CAPN3: variants seen among roughly 807,000 people sequenced by gnomAD.
CAPN3 encodes the protein calpain-3.
Under a neutral mutation model 114.0 loss-of-function variants are expected in CAPN3, and 88 were observed. The observed-to-expected ratio is 0.77, with a 90% CI of 0.65 to 0.92. The LOEUF (loss-of-function observed/expected upper bound fraction) is 0.92. CAPN3 is among the 40% of genes least tolerant of loss of function. The pLI is 0.00. For synonymous variants in CAPN3, 386 were observed against 382.9 expected, an observed-to-expected ratio of 1.01 and a Z score of -0.09; for missense variants, 1,028 against 1,069.0, an observed-to-expected ratio of 0.96 and a Z score of 0.53.
chr15:42,363,421 G>C (rs1434527025), intron 1 of CAPN3, among the ~76,000 whole-genome samples: 1 of 152,220 alleles, frequency 6.6e-6, no homozygotes, highest in Non-Finnish European at 1.5e-5. Context: ...TTGGGGATGG[G>C]AGGGCAGGTC....
chr15:42,374,411 A>G (rs1303349708), intron 1 of CAPN3: 1 of 152,164 alleles, frequency 6.6e-6, no homozygotes, highest in Non-Finnish European at 1.5e-5. Flanking sequence ...GTTCTCAAAG[A>G]TGTCTGGCCC....
Position 42,371,972 on chromosome 15 carries a change from T to TA in CAPN3, c.309+11867dup, listed in dbSNP as rs980687653. On this transcript the variant is annotated intron_variant, in intron 1 of 23. Transcript: ENST00000397163. ...GAGCAAGACTCCATCTTAAAAAAAT[T>TA]AAAAAAAAATCTTAAAAATTAAAAA... 7.3e-4 allele frequency among the ~76,000 whole-genome samples: 108 copies of TA among 148,904 alleles called. 1 individual carries two copies. The highest frequency in any genetic ancestry group is 1.6e-3 in the African/African-American group (65 of 39,964).
intron 17 of CAPN3, 71 bp from the exon 18 acceptor site, chr15:42,409,716 G>C: frequency 7.3e-7 from 1 of 1,361,422 alleles, no homozygotes; most frequent in Non-Finnish European, 1.1e-6. Context: ...GGTGGAATTT[G>C]TTTTGCAAAG....
In CAPN3 at chr15:42,387,760, G is replaced by A. The variant is rs1459943941; in HGVS notation, c.506G>A (p.Arg169His). ...CGTGACGCTTCTGTGCAGTTCTGGCGCTATGGAGAGTGGGTGGACGTGGTT... is the reference window on the plus strand; with the variant it reads ...CGTGACGCTTCTGTGCAGTTCTGGCACTATGGAGAGTGGGTGGACGTGGTT... ...YAGIFHFQFW[R>H]YGEWVDVVID... Residue 169 changes from arginine to histidine, a missense_variant, in exon 4 of 24, where the codon CGC (arginine) becomes CAC (histidine). By Grantham distance (29) the Arg-to-His change is conservative (BLOSUM62 0). Coordinates refer to ENST00000397163, the MANE Select transcript of CAPN3 (RefSeq NM_000070.3). The A allele has an allele frequency of 1.1e-5, 17 of 1,614,060 alleles. No homozygotes were observed. The highest frequency in any genetic ancestry group is 2.2e-5 in the East Asian group (1 of 44,898).
At chr15:42,393,581 GTCTT>G (rs1023104504) in intron 7 of CAPN3, among the ~76,000 whole-genome samples, 32 of 147,710 alleles carry the variant, frequency 2.2e-4, no homozygotes, top group African/African-American at 6.6e-4. Flanking sequence ...GGGGCCTTTT[GTCTT>G]TCTTTCTTTC....
At chr15:42,401,976 G>T (rs533104981) in intron 11 of CAPN3, 148 bp from the exon 12 acceptor site, 10 of 1,283,458 alleles carry the variant, frequency 7.8e-6, no homozygotes, top group African/African-American at 2.9e-5. Flanking sequence ...ACCAGGGGGG[G>T]CATTAGAGAG....
chr15:42,411,916 C>T lies in CAPN3; in HGVS notation c.*143C>T. 6.4e-7 allele frequency: 1 copy of T among 1,559,084 alleles called. No individual in the cohort carries two copies. The highest frequency in any genetic ancestry group is 1.2e-5 in the South Asian group (1 of 84,632). On this transcript the variant is annotated 3_prime_UTR_variant, in exon 24 of 24. Transcript: ENST00000397163. ...CACCTCATCAGTCATGCTCCTCCTCCATTTTACCCCCTACCCATCCTTGAT... is the reference window on the plus strand; with the variant it reads ...CACCTCATCAGTCATGCTCCTCCTCTATTTTACCCCCTACCCATCCTTGAT...
At position 42,400,963 on chromosome 15, in the gene CAPN3, G is replaced by A. The variant is rs535517048; in HGVS notation, c.1355-678G>A. On this transcript the variant is annotated intron_variant, in intron 10 of 23. Transcript: ENST00000397163. ...AATCCCAGCACTTTGGGAGGCTGAG[G>A]CAGGCGGATCACTTGTGGTCAGGAG... Among the ~76,000 whole-genome samples the A allele has an allele frequency of 3.3e-5, 5 of 152,258 alleles. No individual in the cohort carries two copies. In the East Asian group the frequency reaches 9.6e-4, roughly 29 times the overall value.
intron 16 of CAPN3, 174 bp downstream of exon 16, chr15:42,408,498 C>T: frequency 3.2e-6 from 2 of 616,490 alleles, no homozygotes; most frequent in South Asian, 1.5e-5. Context: ...TGGGCTGCTG[C>T]TTGGGTGAAT....
At chr15:42,370,662 C>T (rs531175234) in intron 1 of CAPN3, among the ~76,000 whole-genome samples, 2 of 152,186 alleles carry the variant, frequency 1.3e-5, no homozygotes, top group Admixed American at 6.5e-5. Context: ...ACCAAACAGA[C>T]CCGGTCTGAA....
intron 17 of CAPN3, 130 bp downstream of exon 17, chr15:42,409,510 T>C (rs1226942892): frequency 2.1e-6 from 2 of 959,714 alleles, no homozygotes; most frequent in Admixed American, 4.0e-5. Flanking sequence ...AGGGGATGTG[T>C]GCGTAGCACA....
intron 1 of CAPN3, among the ~76,000 whole-genome samples, chr15:42,374,040 G>A (rs570240774): frequency 3.1e-4 from 47 of 152,224 alleles, no homozygotes; most frequent in African/African-American, 1.1e-3. Context: ...AGACCACTGC[G>A]GTCTGTCCTG....
chr15:42,401,364 G>C (rs980763496), intron 10 of CAPN3, among the ~76,000 whole-genome samples: 7 of 151,716 alleles, frequency 4.6e-5, no homozygotes, highest in Non-Finnish European at 8.8e-5. Context: ...CAGCGTTTAA[G>C]GGGCAGGTAA....
intron 13 of CAPN3, among the ~76,000 whole-genome samples, 168 bp from the exon 14 acceptor site, chr15:42,403,573 G>A (rs1051409536): frequency 6.6e-5 from 10 of 152,148 alleles, no homozygotes; most frequent in African/African-American, 2.4e-4. Flanking sequence ...TGGCTGTCGG[G>A]GATGGTGCTG....
chr15:42,369,965 T>C (rs2052900549), intron 1 of CAPN3, among the ~76,000 whole-genome samples: 1 of 151,454 alleles, frequency 6.6e-6, no homozygotes, highest in African/African-American at 2.4e-5. Flanking sequence ...ATACATCTCC[T>C]GGGTTCAATT....
At chr15:42,381,595 C>T (rs1012779389) in intron 1 of CAPN3, among the ~76,000 whole-genome samples, 3 of 152,136 alleles carry the variant, frequency 2.0e-5, no homozygotes, top group African/African-American at 4.8e-5. Flanking sequence ...AGCTGGAGTG[C>T]AGTGGTGCGA....
At chr15:42,391,342 T>C (rs1013795511) in intron 6 of CAPN3, among the ~76,000 whole-genome samples, 3 of 152,100 alleles carry the variant, frequency 2.0e-5, no homozygotes, top group African/African-American at 7.2e-5. Context: ...AGCAGTAGAA[T>C]TGCTGGGTTG....
At chr15:42,366,646 G>A (rs1450000028) in intron 1 of CAPN3, among the ~76,000 whole-genome samples, 3 of 151,944 alleles carry the variant, frequency 2.0e-5, no homozygotes, top group Non-Finnish European at 4.4e-5. Flanking sequence ...GGGGGAAGGA[G>A]AATTAAGTAT....
At position 42,410,899 on chromosome 15, in the gene CAPN3, A is replaced by G. The variant is rs772552695; in HGVS notation, c.2279A>G (p.Asn760Ser). ...AVNDAGFHLN[N>S]QLYDIITMRY... ...CCCTCCACAGGATTCCACCTCAACA[A>G]CCAGCTCTATGACATCATTACCATG... The change falls in exon 22 of 24, where the codon AAC (asparagine) becomes AGC (serine). Residue 760 changes from asparagine to serine, a missense_variant. By Grantham distance (46) the Asn-to-Ser change is conservative. Transcript: ENST00000397163. 6.2e-7 allele frequency: 1 copy of G among 1,614,024 alleles called. No homozygotes were observed. Among genetic ancestry groups the G allele is most frequent in the Non-Finnish European group, 8.5e-7 (1 of 1,179,894 alleles).
Sources: allele counts gnomAD v4.1 joint callset (sites outside exome capture counted in the v4.1 genomes callset), GRCh38; gene constraint gnomAD v4.1.1; transcripts MANE v1.5; gene names NCBI Gene and HGNC (gene_info 2026-07-23, HGNC 2026-07-21).